RAPGEF2: variants seen among roughly 807,000 people sequenced by gnomAD.
RAPGEF2 encodes the protein Rap guanine nucleotide exchange factor 2, also known as PDZ domain containing guanine nucleotide exchange factor (GEF) 1.
In RAPGEF2, 54 loss-of-function variants were observed where a neutral mutation model predicts 186.7. The observed-to-expected ratio is 0.29, with a 90% CI of 0.23 to 0.36. The LOEUF is 0.36. Among genes scored for constraint, RAPGEF2 ranks in the 10% least tolerant of loss-of-function variants. The pLI is 1.00. For missense variants in RAPGEF2, 1,532 were observed against 2,045.0 expected (o/e 0.75, Z 4.84); for synonymous variants, 712 against 705.9 (o/e 1.01, Z -0.14).
chr4:159,164,542 T>TA (rs1745090637), intron 1 of RAPGEF2, among the ~76,000 whole-genome samples: 2 of 152,154 alleles, frequency 1.3e-5, no homozygotes, highest in Admixed American at 6.5e-5. Flanking sequence ...GATTATTAGA[T>TA]ATAAATTATC....
chr4:159,204,300 C>A (rs1311715558), intron 3 of RAPGEF2, among the ~76,000 whole-genome samples: 1 of 152,138 alleles, frequency 6.6e-6, no homozygotes, highest in African/African-American at 2.4e-5. Context: ...TTTGAGCCAT[C>A]TCTTAAGGTA....
At chr4:159,345,356 G>A (rs1181164502) in intron 24 of RAPGEF2, 27 bp downstream of exon 24, 1 of 1,604,800 alleles carries the variant, frequency 6.2e-7, no homozygotes, top group Admixed American at 1.7e-5. Context: ...AGTGGCTGCA[G>A]ACTTTGGCTA....
At position 159,252,165 on chromosome 4, in the gene RAPGEF2, A is replaced by T. The variant is rs2111516868; in HGVS notation, c.543+8374A>T. Among the ~76,000 whole-genome samples, 3 of 152,198 alleles carry T rather than the reference A, an allele frequency of 2.0e-5. No individual in the cohort carries two copies. The Middle Eastern group carries it at 0.01, about 518-fold the overall frequency. On this transcript the variant is annotated intron_variant, in intron 7 of 29. Transcript: ENST00000691494. ...CAACTCCACTTTTCAGGCTTAAGAGATCCTCCCACCTCAGCCTCTTTAGTA... is the reference window on the plus strand; with the variant it reads ...CAACTCCACTTTTCAGGCTTAAGAGTTCCTCCCACCTCAGCCTCTTTAGTA...
chr4:159,217,266 T>TA (rs1191574453), intron 4 of RAPGEF2, among the ~76,000 whole-genome samples: 1 of 152,186 alleles, frequency 6.6e-6, no homozygotes, highest in Non-Finnish European at 1.5e-5. Context: ...ATTGAACCCA[T>TA]CACCCAGATA....
At chr4:159,326,811 C>T (rs1435500773) in intron 11 of RAPGEF2, 3 of 152,242 alleles carry the variant, frequency 2.0e-5, no homozygotes, top group Non-Finnish European at 2.9e-5. Flanking sequence ...CTCTTACTCC[C>T]TTTATTCTTT....
intron 1 of RAPGEF2, among the ~76,000 whole-genome samples, chr4:159,182,246 A>T (rs892664173): frequency 6.6e-6 from 1 of 152,166 alleles, no homozygotes; most frequent in African/African-American, 2.4e-5. Flanking sequence ...GTGACATTTT[A>T]AGTCCCTAAT....
At position 159,350,243 on chromosome 4, in the gene RAPGEF2, G is replaced by A. The variant is rs142337348; in HGVS notation, c.3819G>A (p.Ser1273=). Residue 1273 remains serine, a synonymous_variant, in exon 26 of 30, where the codon TCG becomes TCA. Coordinates refer to ENST00000691494, the MANE Select transcript of RAPGEF2 (RefSeq NM_001394067.2). The stretch of plus-strand genomic sequence containing the variant: ...AAGATACAATATCAAATGCATCTTC[G>A]CAGCTTTCTTCTCCTCCTACTTCTC... ...QAEDTISNAS[S]QLSSPPTSPQ... is the part of the protein sequence containing the mutation. 2.4e-4 allele frequency: 376 copies of A among 1,599,312 alleles called. No individual in the cohort carries two copies. In the African/African-American group the frequency reaches 3.7e-3, roughly 16 times the overall value.
chr4:159,335,703 C>A (rs1360366817), intron 17 of RAPGEF2, among the ~76,000 whole-genome samples: 1 of 152,026 alleles, frequency 6.6e-6, no homozygotes, highest in Admixed American at 6.5e-5. Flanking sequence ...GGCATGGTGG[C>A]GGACGTCTGT....
At chr4:159,113,894 G>GCA (rs1170903691) in intron 1 of RAPGEF2, among the ~76,000 whole-genome samples, 2 of 151,830 alleles carry the variant, frequency 1.3e-5, no homozygotes, top group Admixed American at 6.6e-5. Context: ...AAACTTGAAA[G>GCA]CACACACACA....
In RAPGEF2 at chr4:159,356,076, C is replaced by G. The variant is rs1731958233; in HGVS notation, c.4875C>G (p.Asn1625Lys). The G allele has an allele frequency of 6.2e-7, 1 of 1,614,082 alleles. No homozygotes were observed. Among genetic ancestry groups the G allele is most frequent in the Admixed American group, 1.7e-5 (1 of 60,000 alleles). ...ATCCCACCAGCAGCAGGCCTGTGAACAAACCTCAGTGGCATAAACCGAACG... is the reference window on the plus strand; with the variant it reads ...ATCCCACCAGCAGCAGGCCTGTGAAGAAACCTCAGTGGCATAAACCGAACG... ...HGHPTSSRPV[N>K]KPQWHKPNES... Residue 1625 changes from asparagine to lysine, a missense_variant, in exon 29 of 30, where the codon AAC becomes AAG. This residue lies in a region of RAPGEF2 where 594 missense variants were observed against 608.5 expected (regional missense o/e 0.98). Coordinates refer to ENST00000691494, the MANE Select transcript of RAPGEF2 (RefSeq NM_001394067.2).
chr4:159,257,464 G>A (rs758199943), intron 7 of RAPGEF2, among the ~76,000 whole-genome samples: 6 of 152,040 alleles, frequency 3.9e-5, no homozygotes, highest in South Asian at 2.1e-4. Flanking sequence ...GGAAAGACCC[G>A]CCCCATGATT....
intron 4 of RAPGEF2, among the ~76,000 whole-genome samples, chr4:159,220,887 T>G (rs1274777825): frequency 1.3e-5 from 2 of 152,240 alleles, no homozygotes; most frequent in African/African-American, 4.8e-5. Context: ...TTAAAAAGTT[T>G]GACAATATTA....
intron 1 of RAPGEF2, among the ~76,000 whole-genome samples, chr4:159,114,967 G>T (rs1579218720): frequency 6.6e-6 from 1 of 152,136 alleles, no homozygotes; most frequent in African/African-American, 2.4e-5. Flanking sequence ...TCATCTAGAT[G>T]TCTTAAAAGG....
rs140594337 is a variant in RAPGEF2 at position 159,120,229 on chromosome 4, A to G, written c.69+15998A>G. On this transcript the variant is annotated intron_variant, in intron 1 of 29. Transcript: ENST00000691494. ...GAGACAGGGTTTCGCCATGTTGGCC[A>G]GGCTGGTCTTGAACTCCTGGCCTCA... is the stretch of plus-strand genomic sequence containing the variant. Among the ~76,000 whole-genome samples, 1,308 of 152,314 alleles carry G rather than the reference A, an allele frequency of 8.6e-3. 24 individuals are homozygous for G. Among genetic ancestry groups the G allele is most frequent in the African/African-American group, 0.03 (1,244 of 41,566 alleles).
chr4:159,347,734 A>G (rs905247969), intron 25 of RAPGEF2, among the ~76,000 whole-genome samples: 7 of 152,254 alleles, frequency 4.6e-5, no homozygotes, highest in Non-Finnish European at 8.8e-5. Flanking sequence ...CAGTGAGCCT[A>G]GATCGCACCG....
At chr4:159,342,052 T>G (rs926276713) in intron 20 of RAPGEF2, 105 bp downstream of exon 20, 1 of 1,133,054 alleles carries the variant, frequency 8.8e-7, no homozygotes, top group Non-Finnish European at 1.2e-6. Flanking sequence ...TAGGTTTTAA[T>G]TGACTCATAA....
intron 13 of RAPGEF2, among the ~76,000 whole-genome samples, chr4:159,330,807 A>G (rs902565906): frequency 3.3e-5 from 5 of 152,192 alleles, no homozygotes; most frequent in African/African-American, 9.6e-5. Flanking sequence ...TCTGGATTCC[A>G]TAGGAATCTA....
chr4:159,244,004 A>G (rs190401467), intron 7 of RAPGEF2, among the ~76,000 whole-genome samples: 107 of 152,114 alleles, frequency 7.0e-4, no homozygotes, highest in African/African-American at 2.5e-3. Flanking sequence ...TGTTGAAGAA[A>G]GAACTCAAGT....
chr4:159,294,905 C>G (rs952785827), intron 7 of RAPGEF2, among the ~76,000 whole-genome samples: 5 of 152,166 alleles, frequency 3.3e-5, no homozygotes, highest in African/African-American at 1.2e-4. Context: ...GTTCGTCAGG[C>G]TGGTCTCAAA....
Sources: allele counts gnomAD v4.1 joint callset (sites outside exome capture counted in the v4.1 genomes callset), GRCh38; gene constraint gnomAD v4.1.1; regional missense constraint gnomAD v4.1.1; transcripts MANE v1.5; gene names NCBI Gene and HGNC (gene_info 2026-07-23, HGNC 2026-07-21).